PDE8B: variants seen among roughly 807,000 people sequenced by gnomAD.
PDE8B encodes the protein phosphodiesterase 8B, also known as high affinity cAMP-specific and IBMX-insensitive 3',5'-cyclic phosphodiesterase 8B.
In PDE8B, 26 loss-of-function variants were observed where a neutral mutation model predicts 101.3. That is an observed-to-expected ratio of 0.26 (90% CI 0.19 to 0.36). PDE8B has a LOEUF of 0.36. PDE8B is among the 10% of genes least tolerant of loss of function. The probability of loss-of-function intolerance (pLI) is 1.00; values close to 1 mark genes in which losing one functional copy is unlikely to be tolerated. For synonymous variants in PDE8B, 424 were observed against 429.3 expected, an observed-to-expected ratio of 0.99 and a Z score of 0.15; for missense variants, 810 against 1,163.1, an observed-to-expected ratio of 0.70 and a Z score of 4.42.
At chr5:77,195,467 A>C in the PDE8B span, among the ~76,000 whole-genome samples, 1 of 151,818 alleles carries the variant, frequency 6.6e-6, no homozygotes, top group Non-Finnish European at 1.5e-5. Flanking sequence ...TTTTTTTTCA[A>C]TTATAGCCAT....
chr5:77,175,845 G>A, the PDE8B span, among the ~76,000 whole-genome samples: 2 of 152,144 alleles, frequency 1.3e-5, no homozygotes, highest in East Asian at 1.9e-4. Flanking sequence ...GTATATAAAT[G>A]TGTGTATATC....
At chr5:77,194,658 G>A in the PDE8B span, among the ~76,000 whole-genome samples, 1 of 151,800 alleles carries the variant, frequency 6.6e-6, no homozygotes, top group African/African-American at 2.4e-5. Flanking sequence ...CTCTGGATTT[G>A]CCTATTCTAG....
At chr5:77,290,637 G>T in intron 1 of PDE8B, 1 of 1,512,040 alleles carries the variant, frequency 6.6e-7, no homozygotes, top group Non-Finnish European at 9.2e-7. Flanking sequence ...GGAGTATGTG[G>T]ATATCTGTGA....
At chr5:77,299,354 G>A (rs2150021634) in intron 1 of PDE8B, among the ~76,000 whole-genome samples, 2 of 151,802 alleles carry the variant, frequency 1.3e-5, no homozygotes, top group Middle Eastern at 6.8e-3. Flanking sequence ...CATGTGCCAT[G>A]TTGGTGTGCT....
At chr5:77,197,444 A>T in the PDE8B span, among the ~76,000 whole-genome samples, 16,252 of 151,332 alleles carry the variant, frequency 0.11, 2,154 homozygotes, top group African/African-American at 0.31. Flanking sequence ...GCATTTGTCT[A>T]TTGTTTACCT....
intron 5 of PDE8B, among the ~76,000 whole-genome samples, chr5:77,334,384 C>G (rs1161088039): frequency 6.6e-6 from 1 of 152,188 alleles, no homozygotes; most frequent in Non-Finnish European, 1.5e-5. Flanking sequence ...CCATGCTGAG[C>G]CTTTTAGAAA....
intron 5 of PDE8B, among the ~76,000 whole-genome samples, chr5:77,332,719 C>T (rs1243294175): frequency 2.0e-5 from 3 of 151,998 alleles, no homozygotes; most frequent in Non-Finnish European, 4.4e-5. Context: ...TGCCTATAAT[C>T]CCAGCTACTC....
intron 9 of PDE8B, 55 bp downstream of exon 9, chr5:77,351,208 T>C: frequency 7.9e-7 from 1 of 1,273,498 alleles, no homozygotes; most frequent in South Asian, 1.2e-5. Context: ...AAGGCCCTCA[T>C]GGGCATTGGG....
chr5:77,422,710 C>G (rs1796933422), intron 20 of PDE8B, among the ~76,000 whole-genome samples: 1 of 148,482 alleles, frequency 6.7e-6, no homozygotes, highest in Non-Finnish European at 1.5e-5. Flanking sequence ...AGAAGAGACT[C>G]TAAGCACTGA....
intron 10 of PDE8B, among the ~76,000 whole-genome samples, chr5:77,359,880 G>A (rs1450741631): frequency 6.6e-6 from 1 of 152,086 alleles, no homozygotes; most frequent in Non-Finnish European, 1.5e-5. Context: ...GGCAGATCAC[G>A]AGGTCAGGAG....
At chr5:77,200,954 A>G in the PDE8B span, among the ~76,000 whole-genome samples, 1 of 152,202 alleles carries the variant, frequency 6.6e-6, no homozygotes, top group Non-Finnish European at 1.5e-5. Flanking sequence ...AAACCCCAAG[A>G]AGGGAGAGAC....
the PDE8B span, among the ~76,000 whole-genome samples, chr5:77,128,711 C>T: frequency 7.2e-5 from 11 of 152,298 alleles, no homozygotes; most frequent in East Asian, 1.2e-3. Flanking sequence ...TGTCAGCACA[C>T]GAAACATCAT....
At chr5:77,378,594 A>C (rs1786812433) in intron 10 of PDE8B, among the ~76,000 whole-genome samples, 1 of 152,132 alleles carries the variant, frequency 6.6e-6, no homozygotes, top group African/African-American at 2.4e-5. Context: ...GGCAAAATGT[A>C]GATTCCAATT....
intron 1 of PDE8B, chr5:77,290,363 A>T: frequency 7.2e-7 from 1 of 1,397,132 alleles, no homozygotes; most frequent in Non-Finnish European, 1.0e-6. Context: ...GAAGCTGGGG[A>T]GGCCGGGGAG....
chr5:77,130,616 T>C, the PDE8B span, among the ~76,000 whole-genome samples: 2 of 151,998 alleles, frequency 1.3e-5, no homozygotes, highest in Non-Finnish European at 2.9e-5. Flanking sequence ...TTTTGGATTT[T>C]AGAAAGGTAT....
At chr5:77,218,987 A>G (rs1226129856) in intron 1 of PDE8B, among the ~76,000 whole-genome samples, 1 of 152,202 alleles carries the variant, frequency 6.6e-6, no homozygotes, top group Admixed American at 6.5e-5. Flanking sequence ...AACTGCTGCC[A>G]CAGACATGGG....
upstream of PDE8B, among the ~76,000 whole-genome samples, chr5:77,208,672 G>A (rs1205661926): frequency 1.3e-5 from 2 of 152,226 alleles, no homozygotes; most frequent in East Asian, 3.9e-4. Context: ...TGTGGGTGGA[G>A]GCTATGATGC....
intron 16 of PDE8B, 57 bp from the exon 17 acceptor site, chr5:77,413,054 A>C: frequency 7.0e-7 from 1 of 1,431,780 alleles, no homozygotes; most frequent in Non-Finnish European, 9.9e-7. Context: ...TCATCAAAGA[A>C]AACAGTTTCT....
chr5:77,189,635 C>T, the PDE8B span, among the ~76,000 whole-genome samples: 1 of 152,172 alleles, frequency 6.6e-6, no homozygotes, highest in East Asian at 1.9e-4. Context: ...AGCATGTCGG[C>T]ATGCCCATGG....
Sources: gnomAD v4.1 joint callset for allele counts (sites outside exome capture counted in the v4.1 genomes callset) on GRCh38, gnomAD v4.1.1 for gene constraint, MANE v1.5 for transcripts, NCBI Gene and HGNC (gene_info 2026-07-23, HGNC 2026-07-21) for gene names.